PRKG1: variants seen among roughly 807,000 people sequenced by gnomAD.
PRKG1 encodes the protein cGMP-dependent protein kinase 1.
A neutral mutation model predicts 88.1 loss-of-function variants in PRKG1; 35 were observed. That is an observed-to-expected ratio of 0.40 (90% CI 0.30 to 0.53). PRKG1 has a LOEUF of 0.53. Ranked by LOEUF, PRKG1 falls within the 20% of genes least tolerant of loss-of-function variation. The probability of loss-of-function intolerance (pLI) is 0.59; values close to 1 mark genes in which losing one functional copy is unlikely to be tolerated. For synonymous variants in PRKG1, 303 were observed against 292.5 expected (o/e 1.04, Z -0.37); for missense variants, 540 against 839.8 (o/e 0.64, Z 4.41).
At chr10:52,035,751 G>C (rs1442185328) in intron 5 of PRKG1, among the ~76,000 whole-genome samples, 1 of 151,960 alleles carries the variant, frequency 6.6e-6, no homozygotes, top group Non-Finnish European at 1.5e-5. Flanking sequence ...GTATGAGGAA[G>C]AAAATAGATT....
chr10:51,990,156 T>C (rs1844267126), intron 5 of PRKG1, among the ~76,000 whole-genome samples: 1 of 152,180 alleles, frequency 6.6e-6, no homozygotes, highest in Non-Finnish European at 1.5e-5. Context: ...AATTTATTTC[T>C]GGGCTTTCTG....
At chr10:51,660,445 G>GAA in intron 3 of PRKG1, among the ~76,000 whole-genome samples, 1 of 136,186 alleles carries the variant, frequency 7.3e-6, no homozygotes, top group East Asian at 2.1e-4. Flanking sequence ...CTTTTGGGCA[G>GAA]AAAAAAAAAA....
At chr10:52,041,809 G>C (rs1030685532) in intron 5 of PRKG1, among the ~76,000 whole-genome samples, 5 of 151,924 alleles carry the variant, frequency 3.3e-5, no homozygotes, top group African/African-American at 1.2e-4. Flanking sequence ...AAAACCCTAA[G>C]AGTCCTTCAG....
chr10:51,665,383 G>A (rs913229069), intron 3 of PRKG1, among the ~76,000 whole-genome samples: 65 of 151,928 alleles, frequency 4.3e-4, no homozygotes, highest in African/African-American at 1.4e-3. Context: ...TCAAAAATCC[G>A]TCTTAGTTAT....
At chr10:51,456,817 G>T (rs188071864) in intron 2 of PRKG1, among the ~76,000 whole-genome samples, 1 of 152,240 alleles carries the variant, frequency 6.6e-6, no homozygotes, top group Non-Finnish European at 1.5e-5. Flanking sequence ...TATACACTCT[G>T]CCAACAAACA....
In PRKG1 at chr10:51,459,683, A is replaced by G. The variant is rs150833605; in HGVS notation, c.479-8040A>G. 1.3e-4 allele frequency among the ~76,000 whole-genome samples: 20 copies of G among 152,298 alleles called. No homozygotes were observed. The East Asian group carries it at 3.7e-3, about 28-fold the overall frequency. ...TTAGATAAGTTATCTAAGTTTCCACAGTCAGTCAATGGTGGAGCCAGGATC... is the reference window on the plus strand; with the variant it reads ...TTAGATAAGTTATCTAAGTTTCCACGGTCAGTCAATGGTGGAGCCAGGATC... On this transcript the variant is annotated intron_variant, in intron 2 of 17. Coordinates refer to ENST00000373980, the MANE Select transcript of PRKG1 (RefSeq NM_006258.4).
At chr10:52,286,612 G>A (rs910174420) in intron 14 of PRKG1, among the ~76,000 whole-genome samples, 2 of 151,922 alleles carry the variant, frequency 1.3e-5, no homozygotes, top group African/African-American at 2.4e-5. Context: ...ATTAAGGTGG[G>A]AGGTAAAGCA....
At chr10:51,887,987 T>C (rs1321010778) in intron 4 of PRKG1, among the ~76,000 whole-genome samples, 3 of 152,198 alleles carry the variant, frequency 2.0e-5, no homozygotes, top group Non-Finnish European at 4.4e-5. Flanking sequence ...AATAATACAG[T>C]ATTGTGTTTA....
rs552974893 is a variant in PRKG1 at position 51,942,562 on chromosome 10, C to T, written c.762+34992C>T. Among the ~76,000 whole-genome samples, 24 of 148,858 alleles carry T rather than the reference C, an allele frequency of 1.6e-4. No individual in the cohort carries two copies. The South Asian group carries it at 3.5e-3, about 22-fold the overall frequency. On this transcript the variant is annotated intron_variant, in intron 5 of 17. Transcript: ENST00000373980. ...TCCTGAATAGTAATGCCTAGGTTTTCTTCTAGGGTTTTTATGGTTTTAGGT... is the reference window on the plus strand; with the variant it reads ...TCCTGAATAGTAATGCCTAGGTTTTTTTCTAGGGTTTTTATGGTTTTAGGT...
intron 3 of PRKG1, among the ~76,000 whole-genome samples, chr10:51,541,931 A>G (rs1252787771): frequency 6.6e-6 from 1 of 152,156 alleles, no homozygotes; most frequent in East Asian, 1.9e-4. Context: ...ACAGGTTTGA[A>G]TAATTCTTTT....
intron 2 of PRKG1, among the ~76,000 whole-genome samples, chr10:51,400,751 C>A (rs1837716242): frequency 6.6e-6 from 1 of 152,172 alleles, no homozygotes; most frequent in African/African-American, 2.4e-5. Context: ...ATTTTCCTAG[C>A]CCAGTTTTAT....
intron 2 of PRKG1, among the ~76,000 whole-genome samples, chr10:51,188,848 C>T (rs559039321): frequency 6.6e-6 from 1 of 151,966 alleles, no homozygotes; most frequent in Non-Finnish European, 1.5e-5. Flanking sequence ...AAATTCAAGG[C>T]TCAGAATCTC....
At chr10:51,698,040 G>T in intron 3 of PRKG1, 1 of 1,614,002 alleles carries the variant, frequency 6.2e-7, no homozygotes, top group South Asian at 1.1e-5. Flanking sequence ...CCAGCTCCAG[G>T]ATTCCCCACC....
chr10:51,474,695 C>T (rs1274742393), intron 3 of PRKG1, among the ~76,000 whole-genome samples: 1 of 151,844 alleles, frequency 6.6e-6, no homozygotes, highest in Non-Finnish European at 1.5e-5. Flanking sequence ...TAAACAGCAG[C>T]TAAAGACAAT....
rs886126095 is a variant in PRKG1, at chr10:51,485,756, C to A, written c.592+17920C>A. Reference sequence around the variant, plus strand: ...TTCTTTGGAAACAAAAGGGGCAAGACACTTTCTTGTCTTTGAGTACTGATT... The same window carrying A: ...TTCTTTGGAAACAAAAGGGGCAAGAAACTTTCTTGTCTTTGAGTACTGATT... On this transcript the variant is annotated intron_variant, in intron 3 of 17. Transcript: ENST00000373980. Among the ~76,000 whole-genome samples, 4 of 152,138 alleles carry A rather than the reference C, an allele frequency of 2.6e-5. No homozygotes were observed. In the South Asian group the frequency reaches 8.3e-4, roughly 32 times the overall value.
intron 3 of PRKG1, among the ~76,000 whole-genome samples, chr10:51,795,813 T>C (rs1307357308): frequency 6.6e-6 from 1 of 152,080 alleles, no homozygotes; most frequent in African/African-American, 2.4e-5. Context: ...TTCCATGTCT[T>C]TCTTCCTGTG....
chr10:51,384,725 C>T (rs1215952237), intron 2 of PRKG1, among the ~76,000 whole-genome samples: 5 of 152,138 alleles, frequency 3.3e-5, no homozygotes, highest in African/African-American at 1.2e-4. Flanking sequence ...CTCTCAGCAG[C>T]AGCCTCATTG....
chr10:51,290,477 A>T (rs1260385006), intron 2 of PRKG1, among the ~76,000 whole-genome samples: 1 of 152,024 alleles, frequency 6.6e-6, no homozygotes, highest in Non-Finnish European at 1.5e-5. Flanking sequence ...TCTTTTAGAG[A>T]CTATTTTTGT....
chr10:52,144,581 C>G (rs1411711503), intron 8 of PRKG1, among the ~76,000 whole-genome samples: 1 of 152,098 alleles, frequency 6.6e-6, no homozygotes, highest in Non-Finnish European at 1.5e-5. Context: ...GAGGCCAAGG[C>G]AGGTGGATCA....
Sources: gnomAD v4.1 joint callset for allele counts (sites outside exome capture counted in the v4.1 genomes callset) on GRCh38, gnomAD v4.1.1 for gene constraint, MANE v1.5 for transcripts, NCBI Gene and HGNC (gene_info 2026-07-23, HGNC 2026-07-21) for gene names.